SH3BP2: variants seen among roughly 807,000 people sequenced by gnomAD.
SH3BP2 encodes the protein SH3 domain binding protein 2.
SH3BP2 carries 38 observed loss-of-function variants against 56.2 expected under a neutral mutation model. That is an observed-to-expected ratio of 0.68 (90% CI 0.52 to 0.89). The LOEUF (loss-of-function observed/expected upper bound fraction) is 0.89. Among genes scored for constraint, SH3BP2 ranks in the 40% least tolerant of loss-of-function variants. SH3BP2 has a pLI of 0.00. For synonymous variants in SH3BP2, 346 were observed against 316.7 expected (o/e 1.09, Z -0.98); for missense variants, 748 against 762.6 (o/e 0.98, Z 0.23).
chr4:2,825,009 G>C, intron 4 of SH3BP2, 117 bp from the exon 5 acceptor site: 1 of 941,238 alleles, frequency 1.1e-6, no homozygotes, highest in Non-Finnish European at 1.7e-6. Flanking sequence ...TATCCAGCCG[G>C]GTCGCCTCCT....
Position 2,830,078 on chromosome 4 carries a change from C to T in SH3BP2, c.1172C>T (p.Pro391Leu), listed in dbSNP as rs756254370. 6 of 1,610,448 alleles carry T rather than the reference C, an allele frequency of 3.7e-6. No individual in the cohort carries two copies. The Admixed American group carries it at 5.0e-5, about 13-fold the overall frequency. Reference protein sequence around the residue: ...VAPRPPALKLPVPEAMARPAV... With the variant: ...VAPRPPALKLLVPEAMARPAV... Reference sequence around the variant, plus strand: ...CCCCGGCCTCCTGCGCTGAAGCTGCCAGTGCCTGAGGCCATGGCGCGGCCC... The same window carrying T: ...CCCCGGCCTCCTGCGCTGAAGCTGCTAGTGCCTGAGGCCATGGCGCGGCCC... The change falls in exon 8 of 13, where the codon CCA (proline) becomes CTA (leucine). Residue 391 changes from proline to leucine, a missense_variant. Coordinates refer to ENST00000503393, the MANE Select transcript of SH3BP2 (RefSeq NM_001122681.2).
chr4:2,818,856 T>C (rs1724147189), intron 1 of SH3BP2: 9 of 985,890 alleles, frequency 9.1e-6, no homozygotes, highest in Non-Finnish European at 1.1e-5. Flanking sequence ...GACAGCCTGA[T>C]GCCTTGAAGA....
At chr4:2,798,910 C>A in intron 1 of SH3BP2, 2 of 894,354 alleles carry the variant, frequency 2.2e-6, no homozygotes, top group Non-Finnish European at 1.3e-6. Flanking sequence ...GGAAGTGCAG[C>A]CTCATGGGAT....
At chr4:2,812,570 C>T (rs1286091029) in intron 1 of SH3BP2, 1 of 1,448,732 alleles carries the variant, frequency 6.9e-7, no homozygotes. Context: ...GGAGCCACAG[C>T]CTTCCTCGGG....
chr4:2,800,729 C>G (rs1463561364), intron 1 of SH3BP2, among the ~76,000 whole-genome samples: 3 of 152,126 alleles, frequency 2.0e-5, no homozygotes, highest in Non-Finnish European at 4.4e-5. Flanking sequence ...AGCCATTCAC[C>G]CCTCTGAGGA....
rs1017836114 is a variant in SH3BP2, at chr4:2,805,961, C to T, written c.-5+12823C>T. 1.1e-4 allele frequency among the ~76,000 whole-genome samples: 17 copies of T among 152,284 alleles called. No homozygotes were observed. The South Asian group carries it at 1.7e-3, about 15-fold the overall frequency. On this transcript the variant is annotated intron_variant, in intron 1 of 12. Coordinates refer to ENST00000503393, the MANE Select transcript of SH3BP2 (RefSeq NM_001122681.2). Reference sequence around the variant, plus strand: ...AGACGCCTGTTCTGGAGGCCAGGCCCGCAGGCAGGAAGGAAAAGCACGGCC... The same window carrying T: ...AGACGCCTGTTCTGGAGGCCAGGCCTGCAGGCAGGAAGGAAAAGCACGGCC...
intron 6 of SH3BP2, 101 bp from the exon 7 acceptor site, chr4:2,827,505 G>A (rs998805361): frequency 2.9e-5 from 38 of 1,315,420 alleles, no homozygotes; most frequent in Middle Eastern, 3.6e-4. Context: ...CCCAGCAGGT[G>A]CTTGCCCCTT....
chr4:2,825,086 C>T (rs1577360037), intron 4 of SH3BP2, 40 bp from the exon 5 acceptor site: 3 of 1,529,526 alleles, frequency 2.0e-6, no homozygotes, highest in South Asian at 2.4e-5. Flanking sequence ...GGGGCCCACC[C>T]TGGTGGCACC....
At chr4:2,793,578 A>C (rs1422869553) in intron 1 of SH3BP2, 1 of 149,754 alleles carries the variant, frequency 6.7e-6, no homozygotes, top group African/African-American at 2.5e-5. Context: ...TCTGTTTCGC[A>C]CCCCTCGCGC....
At position 2,829,412 on chromosome 4, in the gene SH3BP2, G is replaced by A; in HGVS notation, c.587-81G>A. The A allele has an allele frequency of 2.0e-6, 3 of 1,492,602 alleles. No homozygotes were observed. The highest frequency in any genetic ancestry group is 1.9e-6 in the Non-Finnish European group (2 of 1,070,914). 92.5% of individuals were successfully genotyped at this position (1,492,602 alleles called of 1,614,324 possible). On this transcript the variant is annotated intron_variant, in intron 7 of 12. Coordinates refer to ENST00000503393, the MANE Select transcript of SH3BP2 (RefSeq NM_001122681.2). This position sits in a 1 kb window ranked among gnomAD's most constrained non-coding sequence, Gnocchi z 4.9. ...CCTACCATGGGTTGCACTCCTGGTT[G>A]GCCTGGCTGACCACTGCCAGCAGAG...
intron 1 of SH3BP2, among the ~76,000 whole-genome samples, chr4:2,814,366 C>T (rs1001205770): frequency 6.6e-6 from 1 of 152,180 alleles, no homozygotes; most frequent in Non-Finnish European, 1.5e-5. Flanking sequence ...TGCTCTGCCC[C>T]CCACCGCAGC....
intron 3 of SH3BP2, chr4:2,823,536 A>G (rs1448842351): frequency 6.6e-6 from 3 of 456,212 alleles, no homozygotes; most frequent in South Asian, 3.1e-5. Flanking sequence ...GTGATGGGCC[A>G]TGAGCTGCCC....
Position 2,820,737 on chromosome 4 carries a change from G to A in SH3BP2, c.120G>A (p.Gln40=). The part of the protein sequence containing the change: ...AGYLHKKGGT[Q]LQLLKWPLRF... ...ACCTGCACAAGAAGGGCGGTACCCA[G>A]CTGCAGCTGCTGAAATGTGAGTCCC... Residue 40 remains glutamine, a synonymous_variant, in exon 2 of 13, where the codon CAG becomes CAA. Coordinates refer to ENST00000503393, the MANE Select transcript of SH3BP2 (RefSeq NM_001122681.2). The A allele has an allele frequency of 1.9e-6, 3 of 1,613,834 alleles. No homozygotes were observed. The highest frequency in any genetic ancestry group is 2.5e-6 in the Non-Finnish European group (3 of 1,179,766).
intron 1 of SH3BP2, among the ~76,000 whole-genome samples, chr4:2,802,556 GTA>G (rs1458908131): frequency 7.2e-6 from 1 of 138,530 alleles, no homozygotes; most frequent in African/African-American, 2.9e-5. Context: ...ATATATATGT[GTA>G]TATATGTATA....
At position 2,793,937 on chromosome 4, in the gene SH3BP2, C is replaced by T. The variant is rs1052892191; in HGVS notation, c.-5+799C>T. Among the ~76,000 whole-genome samples the T allele has an allele frequency of 7.9e-5, 12 of 152,212 alleles. 1 individual carries two copies. The South Asian group carries it at 2.5e-3, about 31-fold the overall frequency. ...TCGGCTCCCTGGGGGTATTGAGGGC[C>T]TGAGCCCTGCTGTGGGGAGCCTTCT... On this transcript the variant is annotated intron_variant, in intron 1 of 12. Coordinates refer to ENST00000503393, the MANE Select transcript of SH3BP2 (RefSeq NM_001122681.2).
rs1326547483 is a variant in SH3BP2, at chr4:2,819,060, G to A, written c.-4-1554G>A. The A allele has an allele frequency of 2.1e-5, 4 of 191,664 alleles. No homozygotes were observed. In the South Asian group the frequency reaches 7.1e-4, roughly 34 times the overall value. The allele number at this position is 191,664 out of a possible 1,614,324, so 11.9% of individuals were successfully genotyped here. A position where few individuals can be genotyped will look rare whatever the true frequency, so the allele number is the denominator to read the frequency against. ...CGATCCTCCTGGATAAGCCTCCTCC[G>A]GGTACTATAGGTGTGCACCACCAAG... is the stretch of plus-strand genomic sequence containing the variant. On this transcript the variant is annotated intron_variant, in intron 1 of 12. Coordinates refer to ENST00000503393, the MANE Select transcript of SH3BP2 (RefSeq NM_001122681.2).
intron 1 of SH3BP2, among the ~76,000 whole-genome samples, chr4:2,815,239 A>G (rs1723945144): frequency 6.6e-6 from 1 of 152,174 alleles, no homozygotes; most frequent in African/African-American, 2.4e-5. Flanking sequence ...GGCACAGGGC[A>G]GGGCCAGGTG....
At chr4:2,832,042 C>G in intron 10 of SH3BP2, 64 bp downstream of exon 10, 2 of 1,528,048 alleles carry the variant, frequency 1.3e-6, no homozygotes, top group Admixed American at 3.4e-5. Context: ...TTCTGTGTCC[C>G]TCTCACTAGC....
intron 1 of SH3BP2, among the ~76,000 whole-genome samples, chr4:2,796,161 G>A (rs915856619): frequency 2.6e-5 from 4 of 152,316 alleles, no homozygotes; most frequent in African/African-American, 9.6e-5. Flanking sequence ...TCTGCAAAAC[G>A]GGATGACAGA....
Sources: allele counts gnomAD v4.1 joint callset (sites outside exome capture counted in the v4.1 genomes callset), GRCh38; gene constraint gnomAD v4.1.1; non-coding constraint Gnocchi (gnomAD v3.1); transcripts MANE v1.5; gene names NCBI Gene and HGNC (gene_info 2026-07-23, HGNC 2026-07-21).